SLC2A3: variants seen among roughly 807,000 people sequenced by gnomAD.
The protein encoded by SLC2A3 is solute carrier family 2, facilitated glucose transporter member 3.
Under a neutral mutation model 46.4 loss-of-function variants are expected in SLC2A3, and 21 were observed. The observed-to-expected ratio is 0.45, with a 90% CI of 0.32 to 0.65. The LOEUF (loss-of-function observed/expected upper bound fraction) is 0.65, where lower values mean the gene tolerates loss of function less well. Among genes scored for constraint, SLC2A3 ranks in the 30% least tolerant of loss-of-function variants. The pLI is 0.04. For missense variants in SLC2A3, 499 were observed against 623.3 expected, an observed-to-expected ratio of 0.80 and a Z score of 2.12; for synonymous variants, 213 against 239.4, an observed-to-expected ratio of 0.89 and a Z score of 1.02.
intron 6 of SLC2A3, 142 bp from the exon 7 acceptor site, chr12:7,926,090 T>C: frequency 1.5e-6 from 1 of 676,010 alleles, no homozygotes; most frequent in Non-Finnish European, 2.6e-6. Flanking sequence ...CTTCTGCAAA[T>C]GAATTATCTT....
chr12:7,922,806 G>T lies in SLC2A3; in HGVS notation c.1272+15C>A. ...CTTACATAGGCTGGTTTTAAGATAA[G>T]GTGAGTTTACTTACAGCAGCGGAGG... On this transcript the variant is annotated intron_variant, in intron 9 of 9. Transcript: ENST00000075120. 6.2e-7 allele frequency: 1 copy of T among 1,613,906 alleles called. No homozygotes were observed.
At chr12:7,927,235 C>G (rs114575011) in intron 6 of SLC2A3, among the ~76,000 whole-genome samples, 3,667 of 152,210 alleles carry the variant, frequency 0.024, 148 homozygotes, top group African/African-American at 0.082. Context: ...GGCTAATTAA[C>G]ACTGTTAAGA....
rs996390394 is a variant in SLC2A3 at position 7,921,217 on chromosome 12, T to A, written c.*196A>T. ...GGTCTCTCCTAAGCAGAAGAGGATG[T>A]CCAGGAAATAAAATTTAAAAAGCCA... is the stretch of plus-strand genomic sequence containing the variant. On this transcript the variant is annotated 3_prime_UTR_variant, in exon 10 of 10. Transcript: ENST00000075120. 6.7e-5 allele frequency: 75 copies of A among 1,126,798 alleles called. No individual in the cohort carries two copies. Among genetic ancestry groups the A allele is most frequent in the Non-Finnish European group, 8.6e-5 (69 of 800,492 alleles). The allele number at this position is 1,126,798 out of a possible 1,614,324, so 69.8% of individuals were successfully genotyped here. A position where few individuals can be genotyped will look rare whatever the true frequency, so the allele number is the denominator to read the frequency against.
chr12:7,932,895 A>G, intron 3 of SLC2A3, 92 bp downstream of exon 3: 2 of 1,532,914 alleles, frequency 1.3e-6, no homozygotes, highest in Non-Finnish European at 1.8e-6. Context: ...GTTCTTATTC[A>G]AAGGCATCAT....
At chr12:7,930,311 C>T in intron 5 of SLC2A3, 169 bp downstream of exon 5, 1 of 697,696 alleles carries the variant, frequency 1.4e-6, no homozygotes, top group Non-Finnish European at 2.3e-6. Context: ...CCCGCCTTTT[C>T]ACCTCATTCT....
chr12:7,931,123 T>C, intron 4 of SLC2A3, 122 bp downstream of exon 4: 2 of 1,483,286 alleles, frequency 1.3e-6, no homozygotes, highest in Non-Finnish European at 1.8e-6. Context: ...CTACTATCTA[T>C]TATCTAAAAC....
Position 7,931,441 on chromosome 12 carries a change from C to T in SLC2A3, c.314G>A (p.Gly105Asp). Reference protein sequence around the residue: ...LIVNLLAVTGGCFMGLCKVAK... With the variant: ...LIVNLLAVTGDCFMGLCKVAK... ...TACTTTACACAGTCCCATAAAGCAGCCACCAGTGACAGCCAACAGGTTGAC... is the reference window on the plus strand; with the variant it reads ...TACTTTACACAGTCCCATAAAGCAGTCACCAGTGACAGCCAACAGGTTGAC... The change falls in exon 4 of 10, where the codon GGC (glycine) becomes GAC (aspartate). Residue 105 changes from glycine to aspartate, a missense_variant. Physicochemically the swap from Gly to Asp is moderately conservative, Grantham distance 94 (BLOSUM62 -1). Transcript: ENST00000075120. 1 of 1,614,192 alleles carries T rather than the reference C, an allele frequency of 6.2e-7. No homozygotes were observed. The highest frequency in any genetic ancestry group is 8.5e-7 in the Non-Finnish European group (1 of 1,180,032).
At chr12:7,933,580 C>A in intron 2 of SLC2A3, 2 of 532,582 alleles carry the variant, frequency 3.8e-6, no homozygotes, top group Admixed American at 3.4e-5. Flanking sequence ...AGGATAGATA[C>A]AAAGTTTGTC....
chr12:7,924,387 T>A (rs367646739), intron 8 of SLC2A3, 23 bp downstream of exon 8: 1 of 1,608,672 alleles, frequency 6.2e-7, no homozygotes, highest in Non-Finnish European at 8.5e-7. Context: ...CCCTCCCTTT[T>A]TTTTCACCCA....
At chr12:7,927,582 T>A (rs372430432) in intron 6 of SLC2A3, among the ~76,000 whole-genome samples, 4 of 152,114 alleles carry the variant, frequency 2.6e-5, no homozygotes, top group African/African-American at 9.7e-5. Context: ...CAAAGTAGGT[T>A]GGAAAAGTGA....
intron 4 of SLC2A3, 107 bp from the exon 5 acceptor site, chr12:7,930,749 A>C: frequency 7.8e-7 from 1 of 1,280,764 alleles, no homozygotes; most frequent in Non-Finnish European, 1.1e-6. Flanking sequence ...CCATGTGAAA[A>C]AATAAACAAA....
intron 1 of SLC2A3, 47 bp downstream of exon 1, chr12:7,935,973 G>T: frequency 1.4e-6 from 2 of 1,476,186 alleles, no homozygotes; most frequent in Non-Finnish European, 1.9e-6. Flanking sequence ...GCCTTTCTGA[G>T]TGTATCCCAA....
At position 7,932,839 on chromosome 12, in the gene SLC2A3, A is replaced by G. The variant is rs746672427; in HGVS notation, c.269+148T>C. The G allele has an allele frequency of 6.7e-6, 8 of 1,187,162 alleles. No homozygotes were observed. In the African/African-American group the frequency reaches 1.2e-4, roughly 18 times the overall value. 73.5% of individuals were successfully genotyped at this position (1,187,162 alleles called of 1,614,324 possible). A position where few individuals can be genotyped will look rare whatever the true frequency, so the allele number is the denominator to read the frequency against. ...TAGAGCTCCAAGCAAGGGCAGTCAT[A>G]TTCGGGGCCAGTTGGACTAGGTTTC... is the stretch of plus-strand genomic sequence containing the variant. On this transcript the variant is annotated intron_variant, in intron 3 of 9. Coordinates refer to ENST00000075120, the MANE Select transcript of SLC2A3 (RefSeq NM_006931.3).
At chr12:7,927,934 G>T (rs11056518) in intron 6 of SLC2A3, among the ~76,000 whole-genome samples, 1 of 151,438 alleles carries the variant, frequency 6.6e-6, no homozygotes, top group African/African-American at 2.4e-5. Context: ...CTAAAAATAC[G>T]AAAAAATAAG....
At chr12:7,925,703 A>G (rs1946088399) in intron 7 of SLC2A3, 141 bp downstream of exon 7, 2 of 680,082 alleles carry the variant, frequency 2.9e-6, no homozygotes, top group African/African-American at 1.8e-5. Flanking sequence ...TACATCCAAC[A>G]TTAAATTTAT....
intron 6 of SLC2A3, among the ~76,000 whole-genome samples, chr12:7,926,515 G>A (rs547127499): frequency 6.6e-6 from 1 of 152,080 alleles, no homozygotes; most frequent in Non-Finnish European, 1.5e-5. Flanking sequence ...ACATAAAGGT[G>A]TAATTCCTAC....
chr12:7,929,424 C>T (rs1175956298), intron 6 of SLC2A3: 4 of 498,848 alleles, frequency 8.0e-6, no homozygotes, highest in Non-Finnish European at 1.4e-5. Flanking sequence ...AGTCAGTTCA[C>T]TCTGAAGTTG....
At chr12:7,921,731 A>G in intron 9 of SLC2A3, 100 bp from the exon 10 acceptor site, 1 of 1,267,500 alleles carries the variant, frequency 7.9e-7, no homozygotes, top group East Asian at 2.5e-5. Flanking sequence ...TTCAAGCTAT[A>G]ACCCTTCCAT....
chr12:7,923,733 GA>G (rs1326823932), intron 8 of SLC2A3, among the ~76,000 whole-genome samples: 3 of 151,424 alleles, frequency 2.0e-5, no homozygotes, highest in African/African-American at 4.9e-5. Flanking sequence ...GTGTTGTGAT[GA>G]CAGGCATGAA....
Sources: allele counts gnomAD v4.1 joint callset (sites outside exome capture counted in the v4.1 genomes callset), GRCh38; gene constraint gnomAD v4.1.1; transcripts MANE v1.5; gene names NCBI Gene and HGNC (gene_info 2026-07-23, HGNC 2026-07-21).